FGFR1: variants seen among roughly 807,000 people sequenced by gnomAD.
The protein encoded by FGFR1 is FGFR1/PLAG1 fusion.
FGFR1 carries 18 observed loss-of-function variants against 93.7 expected under a neutral mutation model. The observed-to-expected ratio is 0.19, with a 90% CI of 0.13 to 0.28. FGFR1 has a LOEUF of 0.28. Among genes scored for constraint, FGFR1 ranks in the 10% least tolerant of loss-of-function variants. The probability of loss-of-function intolerance (pLI) is 1.00; values close to 1 mark genes in which losing one functional copy is unlikely to be tolerated. For synonymous variants in FGFR1, 448 were observed against 429.3 expected (o/e 1.04, Z -0.54); for missense variants, 731 against 1,080.4 (o/e 0.68, Z 4.53).
chr8:38,427,903 G>A lies in FGFR1; in HGVS notation c.621+18C>T, dbSNP rs757022668. ...CCCTGTTCCCATTACTCTAACTTTC[G>A]CATGCACACACACGTACCTTGTAGC... On this transcript the variant is annotated intron_variant, in intron 5 of 17. Transcript: ENST00000447712. 51 of 1,613,900 alleles carry A rather than the reference G, an allele frequency of 3.2e-5. No individual in the cohort carries two copies. In the South Asian group the frequency reaches 4.6e-4, roughly 15 times the overall value.
At position 38,421,961 on chromosome 8, in the gene FGFR1, CAA is replaced by C; in HGVS notation, c.937-22_937-21del. The C allele has an allele frequency of 1.2e-6, 2 of 1,613,828 alleles. No homozygotes were observed. Among genetic ancestry groups the C allele is most frequent in the Non-Finnish European group, 1.7e-6 (2 of 1,179,898 alleles). On this transcript the variant is annotated intron_variant, in intron 7 of 17. Transcript: ENST00000447712. ...AGCAGTCTAGAAGAGACAACGGAAGCAAAATGGACAAGCACAGGACATGAGAC... is the reference window on the plus strand; with the variant it reads ...AGCAGTCTAGAAGAGACAACGGAAGCAATGGACAAGCACAGGACATGAGAC...
chr8:38,425,053 C>A (rs888904192), intron 6 of FGFR1, among the ~76,000 whole-genome samples: 2 of 152,186 alleles, frequency 1.3e-5, no homozygotes, highest in South Asian at 2.1e-4. Context: ...GTGTGGTCCA[C>A]GAGCAGTGCT....
chr8:38,466,084 C>G (rs1222235039), intron 1 of FGFR1: 1 of 231,250 alleles, frequency 4.3e-6, no homozygotes, highest in Non-Finnish European at 8.6e-6. Context: ...TATTACCAAA[C>G]ACAACTCGAA....
intron 1 of FGFR1, among the ~76,000 whole-genome samples, chr8:38,464,744 G>C (rs1044494099): frequency 6.6e-6 from 1 of 152,168 alleles, no homozygotes; most frequent in African/African-American, 2.4e-5. Context: ...AGTGATGTGA[G>C]GCCCTTTCAG....
intron 2 of FGFR1, among the ~76,000 whole-genome samples, chr8:38,440,648 C>T (rs1827104904): frequency 6.6e-6 from 1 of 151,660 alleles, no homozygotes; most frequent in South Asian, 2.1e-4. Context: ...TGGGCCACTG[C>T]CAGAAGAGCC....
At chr8:38,421,502 G>A (rs1818756546) in intron 8 of FGFR1, 1 of 482,694 alleles carries the variant, frequency 2.1e-6, no homozygotes, top group Non-Finnish European at 3.8e-6. Flanking sequence ...AGCCTGCCCT[G>A]GAGGAGTCGG....
rs376709134 is a variant in FGFR1 at position 38,429,312 on chromosome 8, G to C, written c.358+370C>G. Reference sequence around the variant, plus strand: ...TCAGGGCCTCTAATCACTAAGCCGAGTACCAAGTCCAAATGGCAAGGGAGT... The same window carrying C: ...TCAGGGCCTCTAATCACTAAGCCGACTACCAAGTCCAAATGGCAAGGGAGT... On this transcript the variant is annotated intron_variant, in intron 3 of 17. Coordinates refer to ENST00000447712, the MANE Select transcript of FGFR1 (RefSeq NM_023110.3). The surrounding 1 kb of genome is among the most constrained non-coding windows in gnomAD (Gnocchi z 4.4). The C allele has an allele frequency of 1.8e-6, 1 of 561,478 alleles. No individual in the cohort carries two copies. Among genetic ancestry groups the C allele is most frequent in the African/African-American group, 1.9e-5 (1 of 53,956 alleles). 34.8% of individuals were successfully genotyped at this position (561,478 alleles called of 1,614,324 possible). A position where few individuals can be genotyped will look rare whatever the true frequency, so the allele number is the denominator to read the frequency against.
intron 2 of FGFR1, among the ~76,000 whole-genome samples, chr8:38,436,119 A>G (rs1412594347): frequency 6.6e-6 from 1 of 152,148 alleles, no homozygotes; most frequent in Non-Finnish European, 1.5e-5. Flanking sequence ...TCATGCCTGT[A>G]ATCCCAGCCC....
intron 2 of FGFR1, among the ~76,000 whole-genome samples, chr8:38,448,462 TAG>T (rs1563592895): frequency 6.6e-6 from 1 of 152,144 alleles, no homozygotes; most frequent in African/African-American, 2.4e-5. Context: ...GTATTTTTAG[TAG>T]AGACAGGGTT....
Position 38,429,948 on chromosome 8 carries a change from G to T in FGFR1, c.92C>A (p.Ala31Asp), listed in dbSNP as rs2150967605. The T allele has an allele frequency of 1.9e-6, 3 of 1,603,532 alleles. No individual in the cohort carries two copies. Among genetic ancestry groups the T allele is most frequent in the Non-Finnish European group, 2.6e-6 (3 of 1,173,826 alleles). ...TTCCACAGGGGCTCCCCAGGGCTGG[G>T]CTGCAGCCACCACGGGGCCGGGAAG... is the stretch of plus-strand genomic sequence containing the variant. ...ARPSPTLPEQ[A>D]QPWGAPVEVE... The change falls in exon 3 of 18, where the codon GCC becomes GAC. Residue 31 changes from alanine (A) to aspartate (D), a missense_variant and splice_region_variant. Around this residue, in one of 10 missense-constraint regions of FGFR1, gnomAD observed 212 missense variants for 205.8 expected, o/e 1.03. Coordinates refer to ENST00000447712, the MANE Select transcript of FGFR1 (RefSeq NM_023110.3). The surrounding 1 kb of genome is among the most constrained non-coding windows in gnomAD (Gnocchi z 4.4).
chr8:38,435,077 T>C, intron 2 of FGFR1: 1 of 152,244 alleles, frequency 6.6e-6, no homozygotes, highest in Non-Finnish European at 1.5e-5. Context: ...ACCATGCTGG[T>C]CAGGCTGGTC....
At chr8:38,446,170 T>C (rs187974226) in intron 2 of FGFR1, among the ~76,000 whole-genome samples, 1 of 150,640 alleles carries the variant, frequency 6.6e-6, no homozygotes, top group South Asian at 2.1e-4. Flanking sequence ...TCCTCCCCCA[T>C]GCCTCCAAGG....
At chr8:38,441,133 G>A (rs1300993760) in intron 2 of FGFR1, among the ~76,000 whole-genome samples, 1 of 151,514 alleles carries the variant, frequency 6.6e-6, no homozygotes, top group Non-Finnish European at 1.5e-5. Context: ...GGGAATCGCA[G>A]GCGCCAAGAG....
intron 2 of FGFR1, chr8:38,440,388 G>A (rs1197654511): frequency 1.9e-5 from 30 of 1,574,598 alleles, no homozygotes; most frequent in Non-Finnish European, 2.5e-5. Flanking sequence ...AAGGGTTTGG[G>A]TGGAGAGAGC....
At chr8:38,434,942 A>C (rs1300410402) in intron 2 of FGFR1, 1 of 152,434 alleles carries the variant, frequency 6.6e-6, no homozygotes, top group Non-Finnish European at 1.5e-5. Context: ...ATCTCGGATC[A>C]CTGCAACCTT....
intron 13 of FGFR1, 143 bp from the exon 14 acceptor site, chr8:38,415,044 C>T (rs1815908031): frequency 4.5e-6 from 3 of 661,462 alleles, no homozygotes; most frequent in Admixed American, 2.6e-5. Flanking sequence ...TGCTTTCCCT[C>T]TTCTAACATT....
intron 2 of FGFR1, among the ~76,000 whole-genome samples, chr8:38,449,029 G>A (rs1830260573): frequency 6.6e-6 from 1 of 152,056 alleles, no homozygotes; most frequent in Admixed American, 6.6e-5. Flanking sequence ...TTGATCCCAG[G>A]AGGTCGAGGC....
Position 38,453,467 on chromosome 8 carries a change from C to T in FGFR1, c.91+3889G>A, listed in dbSNP as rs1390792072. On this transcript the variant is annotated intron_variant, in intron 2 of 17. Coordinates refer to ENST00000447712, the MANE Select transcript of FGFR1 (RefSeq NM_023110.3). ...TTTTATAAAAGGGCACAAAGAGGAA[C>T]TTCCCCAAGAGCCAACAGTCAGTAA... is the stretch of plus-strand genomic sequence containing the variant. Among the ~76,000 whole-genome samples the T allele has an allele frequency of 2.6e-5, 4 of 152,350 alleles. No individual in the cohort carries two copies. In the East Asian group the frequency reaches 7.7e-4, roughly 29 times the overall value.
chr8:38,416,171 T>G (rs1586141065), intron 12 of FGFR1, 111 bp from the exon 13 acceptor site: 2 of 877,948 alleles, frequency 2.3e-6, no homozygotes, highest in Non-Finnish European at 3.7e-6. Flanking sequence ...TCCCATCTCC[T>G]GCCTCCTCTT....
Sources: allele counts gnomAD v4.1 joint callset (sites outside exome capture counted in the v4.1 genomes callset), GRCh38; gene constraint gnomAD v4.1.1; regional missense constraint gnomAD v4.1.1; non-coding constraint Gnocchi (gnomAD v3.1); transcripts MANE v1.5; gene names NCBI Gene and HGNC (gene_info 2026-07-23, HGNC 2026-07-21).